Variants in TSPAN18 observed in about 807,000 individuals in gnomAD.
The protein encoded by TSPAN18 is tetraspanin 18, also known as tetraspanin-18.
In TSPAN18, 14 loss-of-function variants were observed where a neutral mutation model predicts 27.3. That is an observed-to-expected ratio of 0.51 (90% confidence interval 0.34 to 0.80). The LOEUF is 0.80. Ranked by LOEUF, TSPAN18 falls within the 30% of genes least tolerant of loss-of-function variation. The pLI is 0.01. For missense variants in TSPAN18, 268 were observed against 323.9 expected, an observed-to-expected ratio of 0.83 and a Z score of 1.32; for synonymous variants, 143 against 136.5, an observed-to-expected ratio of 1.05 and a Z score of -0.33.
intron 3 of TSPAN18, among the ~76,000 whole-genome samples, chr11:44,887,074 G>A (rs759331719): frequency 4.6e-5 from 7 of 152,196 alleles, no homozygotes; most frequent in Non-Finnish European, 1.0e-4. Context: ...GAGTGAAAAA[G>A]GATTTTAGAT....
chr11:44,885,892 C>A (rs3740792), intron 3 of TSPAN18: 11,930 of 152,284 alleles, frequency 0.078, 698 homozygotes, highest in South Asian at 0.27. Context: ...ATTGCAGTTG[C>A]CCTGAGAAGA....
chr11:44,873,765 G>T (rs112563435), intron 3 of TSPAN18, among the ~76,000 whole-genome samples: 5 of 152,326 alleles, frequency 3.3e-5, no homozygotes, highest in African/African-American at 1.2e-4. Flanking sequence ...CTTAGGATGT[G>T]CCTGTTACCT....
intron 2 of TSPAN18, among the ~76,000 whole-genome samples, chr11:44,857,412 G>C (rs1857765991): frequency 6.6e-6 from 1 of 152,230 alleles, no homozygotes; most frequent in South Asian, 2.1e-4. Flanking sequence ...TGCCACAGCT[G>C]TGCTCTCCCC....
intron 3 of TSPAN18, chr11:44,897,678 T>C (rs1383778562): frequency 9.6e-7 from 1 of 1,045,888 alleles, no homozygotes; most frequent in East Asian, 6.0e-5. Context: ...CGGGTTTTCA[T>C]AAACAGCTCC....
At chr11:44,891,029 C>T (rs558268013) in intron 3 of TSPAN18, among the ~76,000 whole-genome samples, 9 of 152,132 alleles carry the variant, frequency 5.9e-5, no homozygotes, top group East Asian at 3.9e-4. Context: ...AAATTAGCTG[C>T]GCATAGTGGC....
intron 2 of TSPAN18, among the ~76,000 whole-genome samples, chr11:44,776,058 C>T (rs939017412): frequency 6.6e-6 from 1 of 152,234 alleles, no homozygotes; most frequent in African/African-American, 2.4e-5. Context: ...GGCAGAGGAT[C>T]CTGTGGGGCG....
At chr11:44,753,160 A>T (rs1233677957) in intron 1 of TSPAN18, among the ~76,000 whole-genome samples, 1 of 151,364 alleles carries the variant, frequency 6.6e-6, no homozygotes, top group African/African-American at 2.4e-5. Flanking sequence ...ACAGAGTCTT[A>T]CTCTATCACT....
chr11:44,911,960 C>A (rs1859737510), intron 5 of TSPAN18, among the ~76,000 whole-genome samples: 1 of 137,204 alleles, frequency 7.3e-6, no homozygotes, highest in South Asian at 2.8e-4. Context: ...CTCCCTTTGT[C>A]CCCCTTCTTT....
chr11:44,887,975 T>C (rs1195444669), intron 3 of TSPAN18, among the ~76,000 whole-genome samples: 1 of 152,038 alleles, frequency 6.6e-6, no homozygotes, highest in Non-Finnish European at 1.5e-5. Context: ...TTTCAAAGGG[T>C]CTTTTTCAGA....
intron 2 of TSPAN18, among the ~76,000 whole-genome samples, chr11:44,813,735 A>G (rs1856766826): frequency 6.6e-6 from 1 of 152,194 alleles, no homozygotes; most frequent in Non-Finnish European, 1.5e-5. Context: ...AGAGGCTGTT[A>G]TTTTGCAAGA....
chr11:44,861,971 C>T (rs1265582279), intron 3 of TSPAN18, among the ~76,000 whole-genome samples: 1 of 152,136 alleles, frequency 6.6e-6, no homozygotes, highest in Non-Finnish European at 1.5e-5. Flanking sequence ...CGCCTGGCTG[C>T]CTTGAGTAGA....
chr11:44,792,887 G>A (rs1277032313), intron 2 of TSPAN18, among the ~76,000 whole-genome samples: 1 of 152,220 alleles, frequency 6.6e-6, no homozygotes, highest in African/African-American at 2.4e-5. Context: ...GGGTTTGCAG[G>A]AGGATGGGGA....
chr11:44,740,083 G>C (rs981570459), intron 1 of TSPAN18, among the ~76,000 whole-genome samples: 6 of 152,220 alleles, frequency 3.9e-5, no homozygotes, highest in Non-Finnish European at 8.8e-5. Context: ...GGTGGCTACC[G>C]GGTCAGTGGC....
rs1859391046 is a variant in TSPAN18, at chr11:44,904,680, G to T, written c.-10-1727G>T. 1.3e-5 allele frequency among the ~76,000 whole-genome samples: 2 copies of T among 152,230 alleles called. 1 individual carries two copies. The highest frequency in any genetic ancestry group is 4.1e-4 in the South Asian group (2 of 4,834). Reference sequence around the variant, plus strand: ...CCAAAATGCAGCCTGGAGTGGTGCTGTCATCACTGATTAGGAGAGGGGTGG... The same window carrying T: ...CCAAAATGCAGCCTGGAGTGGTGCTTTCATCACTGATTAGGAGAGGGGTGG... On this transcript the variant is annotated intron_variant, in intron 3 of 9. Coordinates refer to ENST00000520358, the MANE Select transcript of TSPAN18 (RefSeq NM_130783.5).
At position 44,838,513 on chromosome 11, in the gene TSPAN18, G is replaced by A. The variant is rs112007797; in HGVS notation, c.-152-21815G>A. On this transcript the variant is annotated intron_variant, in intron 2 of 9. Transcript: ENST00000520358. ...AAAGGAACTTTGTAGATGTGATTGA[G>A]TTAATGTTTTTGAGGTGGGGAGGTT... 9.0e-3 allele frequency among the ~76,000 whole-genome samples: 1,365 copies of A among 152,342 alleles called. 12 individuals are homozygous for A. Among genetic ancestry groups the A allele is most frequent in the South Asian group, 0.019 (93 of 4,822 alleles).
rs1437796379 is a variant in TSPAN18, at chr11:44,886,746, A to G, written c.-10-19661A>G. Among the ~76,000 whole-genome samples the G allele has an allele frequency of 2.0e-5, 3 of 152,366 alleles. No individual in the cohort carries two copies. The East Asian group carries it at 5.8e-4, about 29-fold the overall frequency. On this transcript the variant is annotated intron_variant, in intron 3 of 9. Coordinates refer to ENST00000520358, the MANE Select transcript of TSPAN18 (RefSeq NM_130783.5). ...AAGGTCAGTTTGGCTGTTGAGAAAC[A>G]GTCTTGATATTCACAGAGGCATTGG...
chr11:44,874,455 GA>G (rs1002023098), intron 3 of TSPAN18, among the ~76,000 whole-genome samples: 1 of 152,206 alleles, frequency 6.6e-6, no homozygotes, highest in Non-Finnish European at 1.5e-5. Context: ...CTAACACTGT[GA>G]GATAGTACTA....
chr11:44,835,971 C>A (rs574901646), intron 2 of TSPAN18, among the ~76,000 whole-genome samples: 1 of 152,318 alleles, frequency 6.6e-6, no homozygotes, highest in South Asian at 2.1e-4. Flanking sequence ...GTTCTGACTG[C>A]TGAACCCACC....
intron 1 of TSPAN18, among the ~76,000 whole-genome samples, chr11:44,735,223 C>T (rs1204729327): frequency 1.3e-5 from 2 of 152,194 alleles, no homozygotes; most frequent in Non-Finnish European, 2.9e-5. Context: ...CCTCAGACAC[C>T]TCACTCACTC....
Sources: allele counts gnomAD v4.1 joint callset (sites outside exome capture counted in the v4.1 genomes callset), GRCh38; gene constraint gnomAD v4.1.1; transcripts MANE v1.5; gene names NCBI Gene and HGNC (gene_info 2026-07-23, HGNC 2026-07-21).